Variants in TNIK observed in about 807,000 individuals in gnomAD.
TNIK encodes the protein TRAF2 and NCK-interacting protein kinase.
TNIK carries 49 observed loss-of-function variants against 191.3 expected under a neutral mutation model. That is an observed-to-expected ratio of 0.26 (90% CI 0.20 to 0.32). TNIK has a LOEUF of 0.32. TNIK is among the 10% of genes least tolerant of loss of function. TNIK has a pLI of 1.00. For missense variants in TNIK, 1,155 were observed against 1,702.3 expected (o/e 0.68, Z 5.66); for synonymous variants, 594 against 600.9 (o/e 0.99, Z 0.17).
At chr3:171,417,854 A>G (rs1456963129) in intron 1 of TNIK, among the ~76,000 whole-genome samples, 1 of 152,212 alleles carries the variant, frequency 6.6e-6, no homozygotes, top group African/African-American at 2.4e-5. Flanking sequence ...AAGAATTACC[A>G]TGACCTAGTT....
Position 171,157,444 on chromosome 3 carries a change from C to A in TNIK, c.1221+16G>T. On this transcript the variant is annotated intron_variant, in intron 12 of 32. Transcript: ENST00000436636. ...TGAGAGGCTTGGGGTCAGAGGTGGC[C>A]CGAGCAGGTCCTCACCTCCTCCAGC... 1 of 1,553,382 alleles carries A rather than the reference C, an allele frequency of 6.4e-7. No homozygotes were observed. The highest frequency in any genetic ancestry group is 8.7e-7 in the Non-Finnish European group (1 of 1,148,686).
chr3:171,333,384 C>T (rs1165330229), intron 2 of TNIK, among the ~76,000 whole-genome samples: 5 of 151,704 alleles, frequency 3.3e-5, no homozygotes, highest in African/African-American at 7.3e-5. Context: ...GATGAAACCC[C>T]GTCTCTACTA....
chr3:171,334,916 T>C (rs1200488290), intron 2 of TNIK, among the ~76,000 whole-genome samples: 3 of 151,464 alleles, frequency 2.0e-5, no homozygotes, highest in African/African-American at 7.3e-5. Context: ...ATCCCTTTGA[T>C]GACAGAATCT....
intron 2 of TNIK, among the ~76,000 whole-genome samples, chr3:171,238,617 AAC>A (rs1359787373): frequency 6.6e-6 from 1 of 152,180 alleles, no homozygotes; most frequent in Non-Finnish European, 1.5e-5. Context: ...ACCCTTCCCC[AAC>A]AAGCAATAAT....
At chr3:171,223,194 A>G (rs1227706895) in intron 3 of TNIK, among the ~76,000 whole-genome samples, 1 of 152,116 alleles carries the variant, frequency 6.6e-6, no homozygotes, top group African/African-American at 2.4e-5. Flanking sequence ...ATGCCTTGGC[A>G]CCGGCTGTAT....
chr3:171,144,846 G>C (rs762326785), intron 12 of TNIK, among the ~76,000 whole-genome samples: 1 of 152,178 alleles, frequency 6.6e-6, no homozygotes, highest in Non-Finnish European at 1.5e-5. Context: ...ACCAGTGAGT[G>C]AGATCATATG....
intron 2 of TNIK, among the ~76,000 whole-genome samples, chr3:171,357,042 C>CA (rs1432184774): frequency 9.9e-5 from 15 of 152,046 alleles, no homozygotes; most frequent in Admixed American, 7.2e-4. Flanking sequence ...TGCTTAGCCA[C>CA]AAAAACAGCC....
At chr3:171,267,491 C>T (rs1748539402) in intron 2 of TNIK, among the ~76,000 whole-genome samples, 1 of 152,228 alleles carries the variant, frequency 6.6e-6, no homozygotes, top group African/African-American at 2.4e-5. Context: ...ATCCTTCTCT[C>T]CATTGGCTAC....
chr3:171,149,140 A>G (rs1338735471), intron 12 of TNIK, among the ~76,000 whole-genome samples: 4 of 152,118 alleles, frequency 2.6e-5, no homozygotes, highest in African/African-American at 9.6e-5. Context: ...TTCTATGGTT[A>G]GGAATAACTA....
At chr3:171,316,799 A>G (rs1754645789) in intron 2 of TNIK, among the ~76,000 whole-genome samples, 1 of 151,886 alleles carries the variant, frequency 6.6e-6, no homozygotes, top group African/African-American at 2.4e-5. Context: ...ATATTACTAT[A>G]AGGAGTATTT....
intron 10 of TNIK, among the ~76,000 whole-genome samples, chr3:171,164,403 TAAG>T (rs1444303002): frequency 6.6e-6 from 1 of 152,220 alleles, no homozygotes; most frequent in Non-Finnish European, 1.5e-5. Context: ...ATTGCCTACA[TAAG>T]AATAACTGAT....
At chr3:171,311,132 G>T (rs1216846523) in intron 2 of TNIK, among the ~76,000 whole-genome samples, 1 of 150,664 alleles carries the variant, frequency 6.6e-6, no homozygotes, top group Non-Finnish European at 1.5e-5. Flanking sequence ...CCACAGTATA[G>T]CAGAGAGAGA....
At chr3:171,078,455 T>C (rs1174294373) in intron 28 of TNIK, among the ~76,000 whole-genome samples, 1 of 152,078 alleles carries the variant, frequency 6.6e-6, no homozygotes, top group Non-Finnish European at 1.5e-5. Flanking sequence ...TCTTGGTCTC[T>C]AAATGACTTT....
In TNIK at chr3:171,177,363, C is replaced by A. The variant is rs1229114744; in HGVS notation, c.657G>T (p.Leu219Phe). The A allele has an allele frequency of 6.2e-7, 1 of 1,606,450 alleles. No individual in the cohort carries two copies. The highest frequency in any genetic ancestry group is 8.5e-7 in the Non-Finnish European group (1 of 1,176,372). The stretch of plus-strand genomic sequence containing the variant: ...CTGCCATTTCAATGGCGGTGATACC[C>A]AAAGACCACAAGTCACTCTGAAAAA... ...TYDFKSDLWS[L>F]GITAIEMAEG... Residue 219 changes from leucine to phenylalanine, a missense_variant, in exon 8 of 33, where the codon TTG becomes TTT. Leu to Phe is a conservative substitution (Grantham distance 22). Coordinates refer to ENST00000436636, the MANE Select transcript of TNIK (RefSeq NM_015028.4).
intron 2 of TNIK, chr3:171,347,223 A>G (rs77037296): frequency 2.8e-6 from 3 of 1,087,144 alleles, no homozygotes; most frequent in South Asian, 3.5e-5. Context: ...CATTTGCTGA[A>G]AAAAAAAAAA....
At chr3:171,131,902 G>T (rs1431392203) in intron 15 of TNIK, among the ~76,000 whole-genome samples, 2 of 152,190 alleles carry the variant, frequency 1.3e-5, no homozygotes, top group African/African-American at 2.4e-5. Context: ...ACAAAGGCCT[G>T]TTCCCTGGTT....
intron 2 of TNIK, among the ~76,000 whole-genome samples, chr3:171,296,228 G>T (rs916312433): frequency 6.6e-6 from 1 of 152,256 alleles, no homozygotes; most frequent in Admixed American, 6.5e-5. Flanking sequence ...TGGCAGAAGT[G>T]CCTGGGTAGA....
chr3:171,158,775 T>C (rs1733567362), intron 11 of TNIK, among the ~76,000 whole-genome samples: 1 of 152,146 alleles, frequency 6.6e-6, no homozygotes, highest in Non-Finnish European at 1.5e-5. Flanking sequence ...ATTGTTTCAG[T>C]GACAGTGGCT....
intron 29 of TNIK, among the ~76,000 whole-genome samples, chr3:171,070,750 G>A (rs898099666): frequency 1.3e-5 from 2 of 152,206 alleles, no homozygotes; most frequent in Non-Finnish European, 2.9e-5. Flanking sequence ...GGTCATTTCT[G>A]TAAGTTAGCA....
Sources: allele counts gnomAD v4.1 joint callset (sites outside exome capture counted in the v4.1 genomes callset), GRCh38; gene constraint gnomAD v4.1.1; transcripts MANE v1.5; gene names NCBI Gene and HGNC (gene_info 2026-07-23, HGNC 2026-07-21).